The following NF1 variants were observed in gnomAD, a reference collection of about 807,000 sequenced individuals.
NF1 encodes neurofibromin 1.
A neutral mutation model predicts 325.7 loss-of-function variants in NF1; 122 were observed. The ratio of observed to expected loss-of-function variants is 0.37; its 90% confidence interval spans 0.32 to 0.44. NF1 has a LOEUF of 0.44. NF1 is among the 20% of genes least tolerant of loss of function. NF1 has a pLI of 1.00. For synonymous variants in NF1, 1,091 were observed against 1,186.0 expected (o/e 0.92, Z 1.65); for missense variants, 2,140 against 3,415.4 (o/e 0.63, Z 9.31).
chr17:31,306,295 A>G (rs570517487), intron 36 of NF1, among the ~76,000 whole-genome samples: 1 of 151,938 alleles, frequency 6.6e-6, no homozygotes, highest in East Asian at 1.9e-4. Context: ...TTTAGTTCTC[A>G]GCTTTATGCC....
At chr17:31,147,965 A>T (rs1916692237) in intron 1 of NF1, among the ~76,000 whole-genome samples, 1 of 152,182 alleles carries the variant, frequency 6.6e-6, no homozygotes, top group Non-Finnish European at 1.5e-5. Flanking sequence ...CTGGGAAAAA[A>T]GCCTTATTTC....
chr17:31,268,647 C>T (rs2151473598), intron 36 of NF1, among the ~76,000 whole-genome samples: 1 of 149,912 alleles, frequency 6.7e-6, no homozygotes, highest in African/African-American at 2.4e-5. Context: ...AAAAAAGTGA[C>T]CACTTGGTGC....
intron 36 of NF1, among the ~76,000 whole-genome samples, chr17:31,288,522 G>GTTTTTT (rs200926157): frequency 3.1e-4 from 37 of 119,684 alleles, no homozygotes; most frequent in Non-Finnish European, 4.0e-4. Context: ...TTTTTGCTTT[G>GTTTTTT]TTTTTTTTTT....
At chr17:31,337,905 T>C in intron 44 of NF1, 25 bp downstream of exon 44, 1 of 1,600,492 alleles carries the variant, frequency 6.2e-7, no homozygotes, top group Middle Eastern at 1.7e-4. Context: ...AAATATAAGT[T>C]GTAAAAATAT....
At chr17:31,228,942 A>G in intron 20 of NF1, 83 bp from the exon 21 acceptor site, 1 of 1,103,674 alleles carries the variant, frequency 9.1e-7, no homozygotes, top group Non-Finnish European at 1.3e-6. Context: ...TTGTCATGGA[A>G]GAAATGTTGG....
In NF1 at chr17:31,344,275, C is replaced by A. The variant is rs143970516; in HGVS notation, c.7189+1140C>A. 4.6e-3 allele frequency among the ~76,000 whole-genome samples: 693 copies of A among 152,246 alleles called. 6 individuals carry two copies. The highest frequency in any genetic ancestry group is 0.016 in the African/African-American group (664 of 41,544). Reference sequence around the variant, plus strand: ...TGATCTCCAGCTATTCCTCAGAGCCCGCTCATTCACTTCCTAACCTGGTTT... The same window carrying A: ...TGATCTCCAGCTATTCCTCAGAGCCAGCTCATTCACTTCCTAACCTGGTTT... On this transcript the variant is annotated intron_variant, in intron 48 of 57. Transcript: ENST00000358273.
At chr17:31,174,459 G>A (rs563813245) in intron 5 of NF1, among the ~76,000 whole-genome samples, 1 of 152,304 alleles carries the variant, frequency 6.6e-6, no homozygotes, top group South Asian at 2.1e-4. Context: ...CACTTCTAGA[G>A]ATTCCTTATC....
chr17:31,170,503 A>G (rs745791087), intron 5 of NF1, among the ~76,000 whole-genome samples: 2 of 152,238 alleles, frequency 1.3e-5, no homozygotes, highest in Non-Finnish European at 2.9e-5. Flanking sequence ...TAGCATTACA[A>G]AGTCCCTTAA....
At chr17:31,339,516 GGAGAAATAACA>G (rs2069764887) in intron 46 of NF1, among the ~76,000 whole-genome samples, 1 of 152,108 alleles carries the variant, frequency 6.6e-6, no homozygotes, top group Admixed American at 6.6e-5. Context: ...GCCAGACTTG[GGAGAAATAACA>G]GAGAAATAAT....
At chr17:31,096,565 A>T (rs1050774587) in intron 1 of NF1, among the ~76,000 whole-genome samples, 1 of 152,092 alleles carries the variant, frequency 6.6e-6, no homozygotes, top group African/African-American at 2.4e-5. Context: ...GCTTCCTGTG[A>T]TGGGGGAATT....
intron 12 of NF1, among the ~76,000 whole-genome samples, chr17:31,209,409 TGGAA>T (rs2066683653): frequency 6.6e-6 from 1 of 152,214 alleles, no homozygotes; most frequent in Admixed American, 6.5e-5. Flanking sequence ...AGTTACTTGT[TGGAA>T]GGAGCTAATT....
intron 12 of NF1, among the ~76,000 whole-genome samples, chr17:31,213,562 A>G (rs1260671467): frequency 2.0e-5 from 3 of 152,232 alleles, no homozygotes; most frequent in South Asian, 2.1e-4. Context: ...ACATAAAGAC[A>G]TTCATTCAGA....
At chr17:31,319,309 T>G (rs1450474185) in intron 36 of NF1, among the ~76,000 whole-genome samples, 1 of 152,070 alleles carries the variant, frequency 6.6e-6, no homozygotes, top group Non-Finnish European at 1.5e-5. Context: ...TTTCTTCCTT[T>G]GAAGCGTGCT....
chr17:31,197,780 A>C (rs1274899543), intron 8 of NF1, among the ~76,000 whole-genome samples: 1 of 152,194 alleles, frequency 6.6e-6, no homozygotes, highest in Non-Finnish European at 1.5e-5. Context: ...GTCCAAATTC[A>C]ATGAATTTTC....
intron 5 of NF1, among the ~76,000 whole-genome samples, chr17:31,179,665 C>T (rs2066089108): frequency 6.6e-6 from 1 of 152,070 alleles, no homozygotes; most frequent in African/African-American, 2.4e-5. Context: ...CACCTGTAGT[C>T]CCAGCTACTC....
At chr17:31,219,226 C>T in intron 14 of NF1, 108 bp downstream of exon 14, 2 of 1,168,714 alleles carry the variant, frequency 1.7e-6, no homozygotes, top group Non-Finnish European at 2.5e-6. Flanking sequence ...GATGTCATTT[C>T]TGGAAATGGT....
intron 36 of NF1, chr17:31,294,874 A>T (rs2068427622): frequency 8.7e-7 from 1 of 1,151,946 alleles, no homozygotes; most frequent in African/African-American, 1.5e-5. Flanking sequence ...CTTCATTTAC[A>T]TCAGAGTTAG....
chr17:31,328,077 G>A (rs1178666402), intron 38 of NF1, among the ~76,000 whole-genome samples: 1 of 152,090 alleles, frequency 6.6e-6, no homozygotes, highest in East Asian at 1.9e-4. Context: ...AAAACAACAC[G>A]ACATAGCAGA....
intron 3 of NF1, among the ~76,000 whole-genome samples, chr17:31,161,418 T>C (rs2065758812): frequency 6.6e-6 from 1 of 152,328 alleles, no homozygotes; most frequent in Admixed American, 6.5e-5. Context: ...TAGCATACAA[T>C]TGTACACATT....
Sources: allele counts gnomAD v4.1 joint callset (sites outside exome capture counted in the v4.1 genomes callset), GRCh38; gene constraint gnomAD v4.1.1; transcripts MANE v1.5; gene names NCBI Gene and HGNC (gene_info 2026-07-23, HGNC 2026-07-21).